CDH3: variants seen among roughly 807,000 people sequenced by gnomAD.
The protein encoded by CDH3 is cadherin 3.
Under a neutral mutation model 82.0 loss-of-function variants are expected in CDH3, and 54 were observed. The observed-to-expected ratio is 0.66, with a 90% confidence interval of 0.53 to 0.83. The LOEUF (loss-of-function observed/expected upper bound fraction) is 0.83, where lower values mean the gene tolerates loss of function less well. Ranked by LOEUF, CDH3 falls within the 40% of genes least tolerant of loss-of-function variation. CDH3 has a pLI of 0.00. For missense variants in CDH3, 1,054 were observed against 1,084.6 expected (o/e 0.97, Z 0.40); for synonymous variants, 446 against 437.9 (o/e 1.02, Z -0.23).
At chr16:68,731,451 C>T (rs1325225066), downstream of CDH3, among the ~76,000 whole-genome samples, 1 of 11,818 alleles carries the variant, frequency 8.5e-5, no homozygotes, top group Non-Finnish European at 1.9e-4. Context: ...TACACACACA[C>T]GTATATACAC....
intron 1 of CDH3, among the ~76,000 whole-genome samples, chr16:68,705,464 A>T (rs1408169548): frequency 6.6e-6 from 1 of 151,840 alleles, no homozygotes; most frequent in Non-Finnish European, 1.5e-5. Context: ...TCTATCCCCC[A>T]GGCTGGAGTG....
intron 2 of CDH3, among the ~76,000 whole-genome samples, chr16:68,725,135 A>C (rs1196524910): frequency 6.6e-6 from 1 of 152,022 alleles, no homozygotes; most frequent in Non-Finnish European, 1.5e-5. Context: ...CAGTGGGAGG[A>C]CACCCAGTCA....
intron 2 of CDH3, among the ~76,000 whole-genome samples, chr16:68,724,614 C>T (rs992394505): frequency 2.3e-5 from 3 of 129,294 alleles, no homozygotes; most frequent in African/African-American, 8.4e-5. Flanking sequence ...GCAACAGAGG[C>T]GAGACCCTAT....
downstream of CDH3, among the ~76,000 whole-genome samples, chr16:68,704,747 G>A (rs942414759): frequency 7.9e-5 from 12 of 152,164 alleles, no homozygotes; most frequent in African/African-American, 2.7e-4. Flanking sequence ...AGTTTCGATG[G>A]TTCCCTTTTA....
chr16:68,712,097 G>A (rs1034222772), intron 1 of CDH3, among the ~76,000 whole-genome samples: 1 of 148,016 alleles, frequency 6.8e-6, no homozygotes, highest in Admixed American at 6.9e-5. Flanking sequence ...ACGTGCAGTG[G>A]CACAATCCCA....
chr16:68,697,894 G>A (rs112018391), intron 15 of CDH3, among the ~76,000 whole-genome samples: 34 of 152,214 alleles, frequency 2.2e-4, no homozygotes, highest in African/African-American at 7.9e-4. Flanking sequence ...CAAGGAAACA[G>A]GCATAGAGTG....
chr16:68,724,303 A>G (rs778278196), intron 2 of CDH3, among the ~76,000 whole-genome samples: 3 of 151,948 alleles, frequency 2.0e-5, no homozygotes, highest in East Asian at 3.9e-4. Context: ...AATTTAGACT[A>G]TATAGACTTT....
chr16:68,648,870 CTT>C (rs576685337), intron 2 of CDH3, among the ~76,000 whole-genome samples: 5 of 138,430 alleles, frequency 3.6e-5, no homozygotes, highest in East Asian at 2.1e-4. Context: ...AGTGCTTAGT[CTT>C]TTTTTTTTTT....
intron 2 of CDH3, chr16:68,645,991 C>T (rs1258372574): frequency 5.5e-6 from 3 of 544,900 alleles, no homozygotes; most frequent in Non-Finnish European, 9.8e-6. Context: ...TTGACCCCCT[C>T]CTCCGAGATG....
intron 2 of CDH3, among the ~76,000 whole-genome samples, chr16:68,722,985 G>A (rs929424797): frequency 2.0e-5 from 3 of 151,340 alleles, no homozygotes; most frequent in Non-Finnish European, 2.9e-5. Context: ...GTAGAGACAC[G>A]GTTTCACCAC....
downstream of CDH3, among the ~76,000 whole-genome samples, chr16:68,702,389 C>T (rs2902323): frequency 0.23 from 35,171 of 152,018 alleles, 4,343 homozygotes; most frequent in Admixed American, 0.28. Flanking sequence ...CTGCATTCTA[C>T]GGTGGGGTCG....
intron 12 of CDH3, 122 bp from the exon 13 acceptor site, chr16:68,691,598 C>A: frequency 1.3e-6 from 1 of 781,410 alleles, no homozygotes; most frequent in East Asian, 2.5e-5. Flanking sequence ...CCAAAGTGTG[C>A]TTGTGGAGTA....
At chr16:68,673,786 A>G (rs1960958184) in intron 2 of CDH3, among the ~76,000 whole-genome samples, 1 of 152,118 alleles carries the variant, frequency 6.6e-6, no homozygotes, top group Non-Finnish European at 1.5e-5. Flanking sequence ...TTAGCTGGGC[A>G]TGGTGGTGCA....
chr16:68,702,123 G>A (rs1212137862), downstream of CDH3, among the ~76,000 whole-genome samples: 1 of 151,858 alleles, frequency 6.6e-6, no homozygotes, highest in Non-Finnish European at 1.5e-5. Flanking sequence ...TTCTGACCTC[G>A]ACGAGTGATC....
rs781012896 is a variant in CDH3 at position 68,687,566 on chromosome 16, A to G, written c.1625A>G (p.Asn542Ser). 1.9e-6 allele frequency: 3 copies of G among 1,614,076 alleles called. No individual in the cohort carries two copies. The highest frequency in any genetic ancestry group is 2.5e-6 in the Non-Finnish European group (3 of 1,180,020). Residue 542 changes from asparagine (N) to serine (S), a missense_variant, in exon 12 of 16, where the codon AAT becomes AGT. Transcript: ENST00000264012. ...CTTCTGCTAACACTGATTGATGTCA[A>G]TGACCATGGCCCAGTCCCTGAGCCC... ...GTLLLTLIDV[N>S]DHGPVPEPRQ...
At chr16:68,662,057 A>G (rs1960595894) in intron 2 of CDH3, among the ~76,000 whole-genome samples, 1 of 152,216 alleles carries the variant, frequency 6.6e-6, no homozygotes, top group South Asian at 2.1e-4. Flanking sequence ...TCAAAGCCAG[A>G]AGGGTTTTTC....
chr16:68,728,232 C>T (rs182198518), downstream of CDH3, among the ~76,000 whole-genome samples: 20 of 152,230 alleles, frequency 1.3e-4, no homozygotes, highest in East Asian at 3.7e-3. Flanking sequence ...GTGGCACGAT[C>T]TCGGCTCACT....
chr16:68,716,723 T>A (rs1234082578), intron 1 of CDH3, among the ~76,000 whole-genome samples: 1 of 151,854 alleles, frequency 6.6e-6, no homozygotes, highest in Non-Finnish European at 1.5e-5. Flanking sequence ...CTTACTGTTT[T>A]GGTTTCTTTG....
In CDH3 at chr16:68,682,388, G is replaced by A. The variant is rs750202035; in HGVS notation, c.1083G>A (p.Ala361=). 1.8e-5 allele frequency: 29 copies of A among 1,614,054 alleles called. No individual in the cohort carries two copies. In the East Asian group the frequency reaches 2.5e-4, roughly 14 times the overall value. ...VTDLDAPNSP[A]WRATYLIMGG... Reference sequence around the variant, plus strand: ...ATCTGGACGCCCCCAACTCACCAGCGTGGCGTGCCACCTACCTTATCATGG... The same window carrying A: ...ATCTGGACGCCCCCAACTCACCAGCATGGCGTGCCACCTACCTTATCATGG... Residue 361 remains alanine, a synonymous_variant, in exon 9 of 16, where the codon GCG becomes GCA. Coordinates refer to ENST00000264012, the MANE Select transcript of CDH3 (RefSeq NM_001793.6).
Sources: gnomAD v4.1 joint callset for allele counts (sites outside exome capture counted in the v4.1 genomes callset) on GRCh38, gnomAD v4.1.1 for gene constraint, MANE v1.5 for transcripts, NCBI Gene and HGNC (gene_info 2026-07-23, HGNC 2026-07-21) for gene names.